RELL1: variants seen among roughly 807,000 people sequenced by gnomAD.
RELL1 encodes RELT-like protein 1.
RELL1 carries 10 observed loss-of-function variants against 23.0 expected under a neutral mutation model. The ratio of observed to expected loss-of-function variants is 0.43; its 90% confidence interval spans 0.27 to 0.74. The LOEUF is 0.74. Among genes scored for constraint, RELL1 ranks in the 30% least tolerant of loss-of-function variants. The probability of loss-of-function intolerance (pLI) is 0.19; values close to 1 mark genes in which losing one functional copy is unlikely to be tolerated. For synonymous variants in RELL1, 146 were observed against 146.8 expected (o/e 0.99, Z 0.04); for missense variants, 315 against 364.4 (o/e 0.86, Z 1.10).
intron 4 of RELL1, among the ~76,000 whole-genome samples, chr4:37,635,712 C>G (rs2109264710): frequency 6.6e-6 from 1 of 152,310 alleles, no homozygotes; most frequent in African/African-American, 2.4e-5. Context: ...GATACACTGG[C>G]TTTAAAGTAT....
chr4:37,604,910 C>CAG (rs1560323997), intron 6 of RELL1, among the ~76,000 whole-genome samples: 3 of 58,936 alleles, frequency 5.1e-5, no homozygotes, highest in Admixed American at 1.8e-4. Context: ...GACACACACA[C>CAG]ACACACACAG....
intron 6 of RELL1, among the ~76,000 whole-genome samples, chr4:37,594,185 A>C (rs922725429): frequency 6.6e-6 from 1 of 152,230 alleles, no homozygotes. Flanking sequence ...CCCAAAGGAA[A>C]TGAAAGTAAA....
At chr4:37,614,694 A>C (rs1344109078) in intron 6 of RELL1, among the ~76,000 whole-genome samples, 1 of 152,062 alleles carries the variant, frequency 6.6e-6, no homozygotes, top group African/African-American at 2.4e-5. Flanking sequence ...AAAGGAAAAA[A>C]TGAGAGGGAA....
rs1186397051 is a variant in RELL1 at position 37,631,531 on chromosome 4, G to A, written c.681-8C>T. The A allele has an allele frequency of 4.3e-6, 7 of 1,613,480 alleles. No individual in the cohort carries two copies. The highest frequency in any genetic ancestry group is 1.3e-5 in the African/African-American group (1 of 74,996). On this transcript the variant is annotated splice_region_variant and splice_polypyrimidine_tract_variant and intron_variant, in intron 5 of 6. Transcript: ENST00000454158. The stretch of plus-strand genomic sequence containing the variant: ...ACTTTTGTAACTCTAAATCTGAGGG[G>A]GGAATGGGGAGAGGTGATGGGGTTT...
At chr4:37,614,296 CATAATATTCAAT>C (rs1417354983) in intron 6 of RELL1, among the ~76,000 whole-genome samples, 32 of 151,924 alleles carry the variant, frequency 2.1e-4, no homozygotes, top group African/African-American at 7.0e-4. Flanking sequence ...TTTGGTCAAC[CATAATATTCAAT>C]ATTATATTCA....
At position 37,654,978 on chromosome 4, in the gene RELL1, T is replaced by C. The variant is rs1352795027; in HGVS notation, c.89-5478A>G. ...TTATCTTTATACTTTTCTATAACTT[T>C]CTAAAATTAGTATGTGGTACTTTTG... On this transcript the variant is annotated intron_variant, in intron 1 of 6. Transcript: ENST00000454158. Among the ~76,000 whole-genome samples, 3 of 152,216 alleles carry C rather than the reference T, an allele frequency of 2.0e-5. No individual in the cohort carries two copies. The East Asian group carries it at 5.8e-4, about 29-fold the overall frequency.
rs1286241637 is a variant in RELL1 at position 37,604,856 on chromosome 4, C to G, written c.*4-13639G>C. 4.5e-3 allele frequency among the ~76,000 whole-genome samples: 548 copies of G among 123,056 alleles called. 19 individuals carry two copies. The highest frequency in any genetic ancestry group is 0.012 in the African/African-American group (350 of 28,840). 80.7% of individuals were successfully genotyped at this position (123,056 alleles called of 152,430 possible). On this transcript the variant is annotated intron_variant, in intron 6 of 6. Coordinates refer to the RELL1 transcript ENST00000314117. ...ATACACACAGACACACACACAGACA[C>G]ACACACACAGACACACACACACATA...
downstream of RELL1, chr4:37,590,046 T>A (rs1455161936): frequency 7.0e-7 from 1 of 1,425,668 alleles, no homozygotes; most frequent in South Asian, 1.3e-5. Flanking sequence ...AAAGCATTAA[T>A]GATGGAGCAG....
intron 3 of RELL1, among the ~76,000 whole-genome samples, chr4:37,639,717 T>C (rs919509904): frequency 2.1e-4 from 32 of 152,354 alleles, no homozygotes; most frequent in African/African-American, 7.0e-4. Context: ...ACCTTTTCAA[T>C]TGATTTCTGA....
chr4:37,640,065 G>C (rs1316141325), intron 3 of RELL1, among the ~76,000 whole-genome samples: 1 of 150,620 alleles, frequency 6.6e-6, no homozygotes, highest in African/African-American at 2.4e-5. Flanking sequence ...ACATATAAGA[G>C]AGTGAGTTTT....
intron 1 of RELL1, among the ~76,000 whole-genome samples, chr4:37,669,397 C>G (rs1422045286): frequency 6.9e-6 from 1 of 145,856 alleles, no homozygotes; most frequent in Non-Finnish European, 1.5e-5. Context: ...CCGCCCCGTC[C>G]GGGAGGGAGG....
At chr4:37,590,304 G>A (rs139532209), downstream of RELL1, 34 of 1,613,664 alleles carry the variant, frequency 2.1e-5, no homozygotes, top group African/African-American at 1.6e-4. Context: ...ACCAAGGGCC[G>A]CTCCCACAGG....
exon 7 of RELL1, chr4:37,590,850 T>C (rs551119350): frequency 4.3e-6 from 7 of 1,614,216 alleles, no homozygotes; most frequent in Non-Finnish European, 5.9e-6. Flanking sequence ...ATGCCATGCC[T>C]GTGGTTGACT....
intron 6 of RELL1, among the ~76,000 whole-genome samples, chr4:37,598,629 A>G (rs1033873468): frequency 2.6e-5 from 4 of 152,132 alleles, no homozygotes. Context: ...TAACTCATCC[A>G]GAATCACACA....
chr4:37,649,443 T>A lies in RELL1; in HGVS notation c.146A>T (p.Asn49Ile). ...TTCTGGGTGTCCATTCCCAGTATCG[T>A]TGCTGGGCGACGGGGTCGTCTCTGT... Reference protein sequence around the residue: ...SRTETTPSPSNDTGNGHPEYI... With the variant: ...SRTETTPSPSIDTGNGHPEYI... Residue 49 changes from asparagine to isoleucine, a missense_variant, in exon 2 of 7, where the codon AAC becomes ATC. Transcript: ENST00000454158. 1 of 1,614,236 alleles carries A rather than the reference T, an allele frequency of 6.2e-7. No homozygotes were observed. The highest frequency in any genetic ancestry group is 8.5e-7 in the Non-Finnish European group (1 of 1,180,016).
chr4:37,590,264 C>T (rs747274913), downstream of RELL1: 3 of 1,614,064 alleles, frequency 1.9e-6, no homozygotes, highest in East Asian at 2.2e-5. Context: ...AGCAGCAGGA[C>T]AGCTGATCCA....
chr4:37,658,167 TG>T (rs954683874), intron 1 of RELL1, among the ~76,000 whole-genome samples: 53 of 151,954 alleles, frequency 3.5e-4, no homozygotes, highest in African/African-American at 1.2e-3. Flanking sequence ...CAGGTGTCAG[TG>T]AAAATAATGC....
At chr4:37,676,631 C>T (rs1186118838) in intron 1 of RELL1, among the ~76,000 whole-genome samples, 1 of 152,170 alleles carries the variant, frequency 6.6e-6, no homozygotes, top group Non-Finnish European at 1.5e-5. Flanking sequence ...CATTTTTCCT[C>T]CATGACCAGA....
chr4:37,644,474 A>ATTTATTTATTTATTTG (rs1720640908), intron 3 of RELL1, among the ~76,000 whole-genome samples: 1 of 139,978 alleles, frequency 7.1e-6, no homozygotes, highest in Non-Finnish European at 1.6e-5. Flanking sequence ...TTATTTATTT[A>ATTTATTTATTTATTTG]TTTTTGAGAC....
Sources: gnomAD v4.1 joint callset for allele counts (sites outside exome capture counted in the v4.1 genomes callset) on GRCh38, gnomAD v4.1.1 for gene constraint, MANE v1.5 for transcripts, NCBI Gene and HGNC (gene_info 2026-07-23, HGNC 2026-07-21) for gene names.